The following KCTD8 variants were observed in gnomAD, a reference collection of about 807,000 sequenced individuals.
KCTD8 encodes BTB/POZ domain-containing protein KCTD8.
KCTD8 carries 27 observed loss-of-function variants against 31.5 expected under a neutral mutation model. The ratio of observed to expected loss-of-function variants is 0.86; its 90% CI spans 0.63 to 1.18. The LOEUF is 1.18. Among genes scored for constraint, KCTD8 ranks in the 50% most tolerant of loss-of-function variants. The probability of loss-of-function intolerance (pLI) is 0.00; values close to 1 mark genes in which losing one functional copy is unlikely to be tolerated. For synonymous variants in KCTD8, 290 were observed against 280.0 expected, an observed-to-expected ratio of 1.04 and a Z score of -0.36; for missense variants, 658 against 647.7, an observed-to-expected ratio of 1.02 and a Z score of -0.17.
At chr4:44,366,511 C>G (rs551009330) in intron 1 of KCTD8, among the ~76,000 whole-genome samples, 73 of 152,272 alleles carry the variant, frequency 4.8e-4, no homozygotes, top group Non-Finnish European at 9.4e-4. Flanking sequence ...CTGAGGCCTC[C>G]CAGCCATGCT....
In KCTD8 at chr4:44,214,483, G is replaced by T. The variant is rs897160775; in HGVS notation, c.962-39233C>A. ...CAATAACCTGTACATACAGTAATAA[G>T]AACAATGATACACAGCTTTGTATTT... On this transcript the variant is annotated intron_variant, in intron 1 of 1. Transcript: ENST00000360029. 2.0e-5 allele frequency among the ~76,000 whole-genome samples: 3 copies of T among 152,058 alleles called. No homozygotes were observed. In the East Asian group the frequency reaches 5.8e-4, roughly 29 times the overall value.
intron 1 of KCTD8, among the ~76,000 whole-genome samples, chr4:44,267,171 G>T (rs1577583585): frequency 6.6e-6 from 1 of 152,062 alleles, no homozygotes; most frequent in Non-Finnish European, 1.5e-5. Context: ...AAATGTAAAA[G>T]AACAGAAATT....
chr4:44,319,334 G>A (rs1337186090), intron 1 of KCTD8, among the ~76,000 whole-genome samples: 1 of 152,118 alleles, frequency 6.6e-6, no homozygotes, highest in African/African-American at 2.4e-5. Context: ...CGCCCAGCAG[G>A]GGAGTGGGGG....
chr4:44,303,724 A>G (rs942974649), intron 1 of KCTD8, among the ~76,000 whole-genome samples: 6 of 151,940 alleles, frequency 3.9e-5, no homozygotes, highest in Non-Finnish European at 8.8e-5. Context: ...GCTAAGGCAG[A>G]ATTGCTTGAG....
At chr4:44,436,478 TA>T (rs1333454801) in intron 1 of KCTD8, among the ~76,000 whole-genome samples, 3 of 152,100 alleles carry the variant, frequency 2.0e-5, no homozygotes, top group African/African-American at 7.2e-5. Context: ...GCTTTATTTT[TA>T]AAAAGGCTAT....
chr4:44,395,864 T>C (rs1340493515), intron 1 of KCTD8, among the ~76,000 whole-genome samples: 1 of 152,066 alleles, frequency 6.6e-6, no homozygotes, highest in African/African-American at 2.4e-5. Flanking sequence ...CCAACCATTT[T>C]GGCACCAGGG....
chr4:44,447,092 GT>G (rs1232282654), intron 1 of KCTD8, among the ~76,000 whole-genome samples: 1 of 152,208 alleles, frequency 6.6e-6, no homozygotes, highest in African/African-American at 2.4e-5. Flanking sequence ...GGTGATCCAG[GT>G]GGTGCGAGGC....
intron 1 of KCTD8, among the ~76,000 whole-genome samples, chr4:44,338,903 C>T (rs1396984319): frequency 3.9e-5 from 6 of 152,068 alleles, no homozygotes; most frequent in Admixed American, 3.9e-4. Context: ...CCCTTATAGA[C>T]ACACATGAAA....
At chr4:44,181,971 G>A (rs1465574726) in intron 1 of KCTD8, among the ~76,000 whole-genome samples, 11 of 151,108 alleles carry the variant, frequency 7.3e-5, no homozygotes, top group South Asian at 2.1e-4. Flanking sequence ...GAGCCCCTCC[G>A]CCCGGCAGCC....
chr4:44,319,435 G>A (rs538005727), intron 1 of KCTD8, among the ~76,000 whole-genome samples: 68 of 151,528 alleles, frequency 4.5e-4, no homozygotes, highest in African/African-American at 1.6e-3. Flanking sequence ...CAAAGTAGAG[G>A]ATTTAGGGAC....
chr4:44,291,270 AAACATG>A (rs532546585), intron 1 of KCTD8, among the ~76,000 whole-genome samples: 3 of 152,064 alleles, frequency 2.0e-5, no homozygotes, highest in Non-Finnish European at 4.4e-5. Flanking sequence ...AAGAAAGTGA[AAACATG>A]AACAGACCAA....
chr4:44,203,697 A>G (rs1241653789), intron 1 of KCTD8, among the ~76,000 whole-genome samples: 1 of 151,756 alleles, frequency 6.6e-6, no homozygotes, highest in Non-Finnish European at 1.5e-5. Context: ...GAGAAAATGA[A>G]AGATTTTGTG....
intron 1 of KCTD8, among the ~76,000 whole-genome samples, chr4:44,356,723 C>T (rs552699043): frequency 2.0e-5 from 3 of 152,230 alleles, no homozygotes; most frequent in Admixed American, 6.5e-5. Flanking sequence ...CCACCTGCCT[C>T]GGCCTCCCAA....
chr4:44,293,267 C>T, intron 1 of KCTD8: 1 of 226,028 alleles, frequency 4.4e-6, no homozygotes, highest in Non-Finnish European at 9.1e-6. Flanking sequence ...TGACCTTTTC[C>T]CTTACAGTTA....
chr4:44,386,389 C>A (rs1014723732), intron 1 of KCTD8, among the ~76,000 whole-genome samples: 2 of 151,146 alleles, frequency 1.3e-5, no homozygotes, highest in African/African-American at 4.8e-5. Context: ...CTAAGGCGTG[C>A]AAGCAACTTT....
At chr4:44,297,409 T>A (rs965663380) in intron 1 of KCTD8, among the ~76,000 whole-genome samples, 1 of 152,140 alleles carries the variant, frequency 6.6e-6, no homozygotes, top group Admixed American at 6.5e-5. Context: ...TTTTCACATA[T>A]AAATAGATAT....
At chr4:44,318,358 G>A (rs1718200225) in intron 1 of KCTD8, among the ~76,000 whole-genome samples, 2 of 152,240 alleles carry the variant, frequency 1.3e-5, no homozygotes, top group Middle Eastern at 3.4e-3. Flanking sequence ...AGCCTTCTAA[G>A]TAGCTGAGAC....
At chr4:44,201,018 C>A (rs1267627254) in intron 1 of KCTD8, among the ~76,000 whole-genome samples, 1 of 151,676 alleles carries the variant, frequency 6.6e-6, no homozygotes, top group Non-Finnish European at 1.5e-5. Flanking sequence ...TCAATAATGA[C>A]CAGGCTGAGA....
rs540458922 is a variant in KCTD8 at position 44,300,441 on chromosome 4, G to A, written c.962-125191C>T. ...TTGAAATATTCTATTAAAAGGTTAC[G>A]GAAAAGAATAATCAGTTTTGCAATC... On this transcript the variant is annotated intron_variant, in intron 1 of 1. Coordinates refer to ENST00000360029, the MANE Select transcript of KCTD8 (RefSeq NM_198353.3). Among the ~76,000 whole-genome samples, 55 of 150,246 alleles carry A rather than the reference G, an allele frequency of 3.7e-4. No individual in the cohort carries two copies. In the South Asian group the frequency reaches 6.1e-3, roughly 17 times the overall value.
Sources: allele counts gnomAD v4.1 joint callset (sites outside exome capture counted in the v4.1 genomes callset), GRCh38; gene constraint gnomAD v4.1.1; transcripts MANE v1.5; gene names NCBI Gene and HGNC (gene_info 2026-07-23, HGNC 2026-07-21).